The following CLIP2 variants were observed in gnomAD, a reference collection of about 807,000 sequenced individuals.
CLIP2 encodes the protein CAP-Gly domain-containing linker protein 2.
A neutral mutation model predicts 111.7 loss-of-function variants in CLIP2; 41 were observed. The ratio of observed to expected loss-of-function variants is 0.37; its 90% confidence interval spans 0.29 to 0.48. The LOEUF (loss-of-function observed/expected upper bound fraction) is 0.48. CLIP2 is among the 20% of genes least tolerant of loss of function. The probability of loss-of-function intolerance (pLI) is 0.99; values close to 1 mark genes in which losing one functional copy is unlikely to be tolerated. For missense variants in CLIP2, 1,160 were observed against 1,422.1 expected, an observed-to-expected ratio of 0.82 and a Z score of 2.96; for synonymous variants, 660 against 644.2, an observed-to-expected ratio of 1.02 and a Z score of -0.37.
In CLIP2 at chr7:74,338,905, C is replaced by T. The variant is rs1554732799; in HGVS notation, c.579C>T (p.Asn193=). 3 of 1,604,190 alleles carry T rather than the reference C, an allele frequency of 1.9e-6. No individual in the cohort carries two copies. Among genetic ancestry groups the T allele is most frequent in the Non-Finnish European group, 2.5e-6 (3 of 1,179,876 alleles). The change falls in exon 3 of 17, where the codon AAC becomes AAT. Residue 193 remains asparagine (N), a synonymous_variant. Coordinates refer to ENST00000223398, the MANE Select transcript of CLIP2 (RefSeq NM_003388.5). The surrounding 1 kb of genome is among the most constrained non-coding windows in gnomAD (Gnocchi z 4.3). ...TCCCCCTGCGGGAGAGCGTCCTCAA[C>T]AGCTCCGTGAAGACTGGCAACGAGT... The part of the protein sequence containing the change: ...RVIPLRESVL[N]SSVKTGNESG...
rs549615218 is a variant in CLIP2 at position 74,388,878 on chromosome 7, C to T, written c.2564-225C>T. On this transcript the variant is annotated intron_variant, in intron 12 of 16. Coordinates refer to ENST00000223398, the MANE Select transcript of CLIP2 (RefSeq NM_003388.5). Reference sequence around the variant, plus strand: ...GGCTGAGGCAGGAGGATTGCTTGAGCTCAGGAGTTGGAGGCTGCAATGAGC... The same window carrying T: ...GGCTGAGGCAGGAGGATTGCTTGAGTTCAGGAGTTGGAGGCTGCAATGAGC... 1.6e-4 allele frequency: 65 copies of T among 414,138 alleles called. 1 individual carries two copies. The South Asian group carries it at 2.8e-3, about 18-fold the overall frequency. The allele number at this position is 414,138 out of a possible 1,614,324, so 25.7% of individuals were successfully genotyped here. A position where few individuals can be genotyped will look rare whatever the true frequency, so the allele number is the denominator to read the frequency against.
intron 8 of CLIP2, 66 bp from the exon 9 acceptor site, chr7:74,372,866 T>C: frequency 1.3e-6 from 1 of 795,840 alleles, no homozygotes; most frequent in Non-Finnish European, 2.0e-6. Flanking sequence ...GGCTTCTTCT[T>C]CCCTGTGCCC....
intron 1 of CLIP2, among the ~76,000 whole-genome samples, chr7:74,291,469 A>T (rs1208757248): frequency 6.6e-6 from 1 of 151,908 alleles, no homozygotes; most frequent in African/African-American, 2.4e-5. Flanking sequence ...CAGCTCTGCC[A>T]CTCCCTAGCT....
intron 12 of CLIP2, 45 bp downstream of exon 12, chr7:74,386,649 G>T: frequency 1.3e-6 from 2 of 1,487,476 alleles, no homozygotes; most frequent in Non-Finnish European, 9.2e-7. Flanking sequence ...CTTTCACTGG[G>T]GCCGTGCCAT....
At chr7:74,372,828 C>G in intron 8 of CLIP2, 104 bp from the exon 9 acceptor site, 3 of 628,192 alleles carry the variant, frequency 4.8e-6, no homozygotes, top group Non-Finnish European at 5.5e-6. Flanking sequence ...CGCCTCCTCT[C>G]TCTCTCTCTC....
intron 11 of CLIP2, 195 bp downstream of exon 11, chr7:74,381,058 A>G (rs1790931442): frequency 2.3e-6 from 1 of 437,334 alleles, no homozygotes; most frequent in Admixed American, 3.9e-5. Context: ...CAGCCTTCCA[A>G]GTTGCTGTCT....
chr7:74,338,216 CAG>C lies in CLIP2; in HGVS notation c.122-231_122-230del, dbSNP rs10547265. Among the ~76,000 whole-genome samples, 92,405 of 151,210 alleles carry C rather than the reference CAG, an allele frequency of 0.61. 30,167 individuals carry two copies. Among genetic ancestry groups the C allele is most frequent in the Middle Eastern group, 0.74 (217 of 292 alleles). ...GACCCTGTCTCAAAAAGTAAATAAA[CAG>C]GGGTTGGGTGTGGTGCCTCACGCCT... On this transcript the variant is annotated intron_variant, in intron 2 of 16. Coordinates refer to ENST00000223398, the MANE Select transcript of CLIP2 (RefSeq NM_003388.5). This position sits in a 1 kb window ranked among gnomAD's most constrained non-coding sequence, Gnocchi z 4.3.
chr7:74,306,774 A>G (rs548889223), intron 1 of CLIP2, among the ~76,000 whole-genome samples: 205 of 152,266 alleles, frequency 1.3e-3, no homozygotes, highest in African/African-American at 4.6e-3. Context: ...GCAGCCGGGC[A>G]TACTCCTGGG....
chr7:74,339,600 C>T (rs1554305016), intron 3 of CLIP2, among the ~76,000 whole-genome samples: 1 of 152,100 alleles, frequency 6.6e-6, no homozygotes, highest in African/African-American at 2.4e-5. Flanking sequence ...GCCCCAGCGC[C>T]CTACCAAAAT....
At chr7:74,359,376 CAG>C (rs1411509739) in intron 6 of CLIP2, among the ~76,000 whole-genome samples, 3 of 133,180 alleles carry the variant, frequency 2.3e-5, no homozygotes, top group Non-Finnish European at 3.1e-5. Flanking sequence ...TTTTTTGAGG[CAG>C]AGTCTCGCTC....
intron 1 of CLIP2, among the ~76,000 whole-genome samples, chr7:74,308,344 G>A (rs1204396387): frequency 6.6e-6 from 1 of 152,072 alleles, no homozygotes; most frequent in African/African-American, 2.4e-5. Context: ...GGCCAGACCG[G>A]CTGTGTGATG....
At chr7:74,367,091 C>T (rs1281577601) in intron 8 of CLIP2, among the ~76,000 whole-genome samples, 1 of 152,116 alleles carries the variant, frequency 6.6e-6, no homozygotes, top group African/African-American at 2.4e-5. Context: ...TTAGGGCCCA[C>T]TCTAATCCAG....
intron 1 of CLIP2, among the ~76,000 whole-genome samples, chr7:74,306,889 G>A (rs1175199451): frequency 3.3e-5 from 5 of 152,214 alleles, no homozygotes; most frequent in African/African-American, 1.2e-4. Context: ...GCCACTCGGA[G>A]AAAGTCTGGG....
At chr7:74,359,938 G>A (rs145022768) in intron 6 of CLIP2, among the ~76,000 whole-genome samples, 4 of 152,320 alleles carry the variant, frequency 2.6e-5, no homozygotes, top group African/African-American at 4.8e-5. Context: ...GGGTTGAGGC[G>A]GGAGGCAGGT....
At chr7:74,341,708 C>T (rs1420731234) in intron 3 of CLIP2, among the ~76,000 whole-genome samples, 2 of 152,012 alleles carry the variant, frequency 1.3e-5, no homozygotes, top group African/African-American at 4.8e-5. Context: ...CCTCCTGCCT[C>T]AGCCTCCCAA....
At chr7:74,373,219 C>T (rs1240488264) in intron 9 of CLIP2, among the ~76,000 whole-genome samples, 183 bp downstream of exon 9, 1 of 152,006 alleles carries the variant, frequency 6.6e-6, no homozygotes, top group African/African-American at 2.4e-5. Context: ...CTTATGTGGC[C>T]GGGTGCGGTG....
At chr7:74,337,191 C>T (rs1464852639) in intron 2 of CLIP2, among the ~76,000 whole-genome samples, 1 of 152,018 alleles carries the variant, frequency 6.6e-6, no homozygotes, top group Non-Finnish European at 1.5e-5. Flanking sequence ...CCTAGCCACC[C>T]TTCCACTTTC....
In CLIP2 at chr7:74,338,899, C is replaced by T. The variant is rs1554732795; in HGVS notation, c.573C>T (p.Val191=). 1 of 1,604,744 alleles carries T rather than the reference C, an allele frequency of 6.2e-7. No homozygotes were observed. The highest frequency in any genetic ancestry group is 8.5e-7 in the Non-Finnish European group (1 of 1,179,900). The change falls in exon 3 of 17, where the codon GTC becomes GTT. Residue 191 remains valine (V), a synonymous_variant. Transcript: ENST00000223398. This position sits in a 1 kb window ranked among gnomAD's most constrained non-coding sequence, Gnocchi z 4.3. ...TSRVIPLRES[V]LNSSVKTGNE... is the part of the protein sequence containing the mutation. ...GCGTCATCCCCCTGCGGGAGAGCGT[C>T]CTCAACAGCTCCGTGAAGACTGGCA...
intron 9 of CLIP2, among the ~76,000 whole-genome samples, chr7:74,375,250 C>CT (rs1179841833): frequency 6.9e-6 from 1 of 144,768 alleles, no homozygotes; most frequent in Non-Finnish European, 1.5e-5. Flanking sequence ...ACCCCCGTCT[C>CT]TTTTAAAAAA....
Sources: allele counts gnomAD v4.1 joint callset (sites outside exome capture counted in the v4.1 genomes callset), GRCh38; gene constraint gnomAD v4.1.1; non-coding constraint Gnocchi (gnomAD v3.1); transcripts MANE v1.5; gene names NCBI Gene and HGNC (gene_info 2026-07-23, HGNC 2026-07-21).